The following SMAD1 variants were observed in gnomAD, a reference collection of about 807,000 sequenced individuals.
SMAD1 encodes the protein SMAD family member 1, also known as MAD, mothers against decapentaplegic homolog 1.
A neutral mutation model predicts 41.6 loss-of-function variants in SMAD1; 6 were observed. The ratio of observed to expected loss-of-function variants is 0.14; its 90% confidence interval spans 0.08 to 0.28. The LOEUF (loss-of-function observed/expected upper bound fraction) is 0.28. Ranked by LOEUF, SMAD1 falls within the 10% of genes least tolerant of loss-of-function variation. The pLI, the probability that SMAD1 is intolerant of heterozygous loss-of-function variation, is 1.00. For missense variants in SMAD1, 379 were observed against 582.6 expected (o/e 0.65, Z 3.60); for synonymous variants, 206 against 203.2 (o/e 1.01, Z -0.12).
chr4:145,543,841 C>G (rs1732090054), intron 4 of SMAD1, among the ~76,000 whole-genome samples: 1 of 152,210 alleles, frequency 6.6e-6, no homozygotes, highest in African/African-American at 2.4e-5. Flanking sequence ...CAACACATGG[C>G]ATGGGTCATG....
In SMAD1 at chr4:145,542,803, G is replaced by A. The variant is rs1732025937; in HGVS notation, c.775+105G>A. ...AGTCTTTAAAAAGAGAGCTACTTGA[G>A]AAAAATAGAGTCCAATGTTAAGAGA... On this transcript the variant is annotated intron_variant, in intron 4 of 6. Coordinates refer to ENST00000302085, the MANE Select transcript of SMAD1 (RefSeq NM_005900.3). 9.9e-6 allele frequency: 7 copies of A among 706,080 alleles called. No individual in the cohort carries two copies. The East Asian group carries it at 1.9e-4, about 19-fold the overall frequency. 43.7% of individuals were successfully genotyped at this position (706,080 alleles called of 1,614,324 possible).
chr4:145,558,640 A>G lies in SMAD1; in HGVS notation c.*706A>G, dbSNP rs1485428382. Among the ~76,000 whole-genome samples, 2 of 152,172 alleles carry G rather than the reference A, an allele frequency of 1.3e-5. No homozygotes were observed. The highest frequency in any genetic ancestry group is 2.9e-5 in the Non-Finnish European group (2 of 68,040). On this transcript the variant is annotated 3_prime_UTR_variant, in exon 7 of 7. Coordinates refer to ENST00000302085, the MANE Select transcript of SMAD1 (RefSeq NM_005900.3). Reference sequence around the variant, plus strand: ...GAAATGACAACTGCAAATGTAGACTATACTGTAAAAATTCAGTTTGTTGCT... The same window carrying G: ...GAAATGACAACTGCAAATGTAGACTGTACTGTAAAAATTCAGTTTGTTGCT...
rs141714529 is a variant in SMAD1 at position 145,550,230 on chromosome 4, A to G, written c.997+3306A>G. Among the ~76,000 whole-genome samples the G allele has an allele frequency of 9.2e-5, 14 of 152,318 alleles. No homozygotes were observed. In the East Asian group the frequency reaches 2.7e-3, roughly 29 times the overall value. On this transcript the variant is annotated intron_variant, in intron 5 of 6. Coordinates refer to ENST00000302085, the MANE Select transcript of SMAD1 (RefSeq NM_005900.3). ...TTAGTATATCAAAATCCATTGATATATTTCACCAAATTACTTTCCAAAAAG... is the reference window on the plus strand; with the variant it reads ...TTAGTATATCAAAATCCATTGATATGTTTCACCAAATTACTTTCCAAAAAG...
At chr4:145,551,666 G>T (rs1309026990) in intron 5 of SMAD1, among the ~76,000 whole-genome samples, 2 of 152,158 alleles carry the variant, frequency 1.3e-5, no homozygotes, top group African/African-American at 2.4e-5. Flanking sequence ...TAAACTACGA[G>T]AGCATATCCA....
Position 145,482,300 on chromosome 4 carries a change from G to A in SMAD1, c.-177+262G>A, listed in dbSNP as rs544230979. On this transcript the variant is annotated intron_variant, in intron 1 of 6. Transcript: ENST00000302085. This position sits in a 1 kb window ranked among gnomAD's most constrained non-coding sequence, Gnocchi z 4.2. ...TACCACGTCTTCTCGCGCCCAGCCCGCCGGGCTCCCCTGGTGTCTTTGTTG... is the reference window on the plus strand; with the variant it reads ...TACCACGTCTTCTCGCGCCCAGCCCACCGGGCTCCCCTGGTGTCTTTGTTG... Among the ~76,000 whole-genome samples the A allele has an allele frequency of 5.5e-5, 8 of 146,552 alleles. No individual in the cohort carries two copies. Among genetic ancestry groups the A allele is most frequent in the African/African-American group, 2.0e-4 (8 of 40,004 alleles).
In SMAD1 at chr4:145,539,815, G is replaced by A. The variant is rs371393906; in HGVS notation, c.412G>A (p.Val138Met). 5.6e-6 allele frequency: 9 copies of A among 1,613,210 alleles called. No homozygotes were observed. Among genetic ancestry groups the A allele is most frequent in the Non-Finnish European group, 5.9e-6 (7 of 1,179,664 alleles). ...KRVESPVLPP[V>M]LVPRHSEYNP... ...CTTCCTTTTTCTAGTACTTCCTCCT[G>A]TGCTGGTTCCAAGACACAGCGAATA... Residue 138 changes from valine (V) to methionine (M), a missense_variant, in exon 3 of 7, where the codon GTG becomes ATG. Physicochemically the swap from Val to Met is conservative, Grantham distance 21. Transcript: ENST00000302085.
chr4:145,526,971 A>G (rs975148372), intron 2 of SMAD1, among the ~76,000 whole-genome samples: 1 of 152,180 alleles, frequency 6.6e-6, no homozygotes, highest in Non-Finnish European at 1.5e-5. Flanking sequence ...AAGTTAATGC[A>G]TGTGAAAAGG....
intron 1 of SMAD1, among the ~76,000 whole-genome samples, chr4:145,499,767 A>C (rs960047501): frequency 6.6e-6 from 1 of 152,164 alleles, no homozygotes; most frequent in African/African-American, 2.4e-5. Flanking sequence ...CTGAAACACC[A>C]TCTGGTCCCA....
At chr4:145,553,185 A>C (rs998588842) in intron 5 of SMAD1, among the ~76,000 whole-genome samples, 3 of 151,272 alleles carry the variant, frequency 2.0e-5, no homozygotes, top group Non-Finnish European at 4.4e-5. Flanking sequence ...TGCTGAGATT[A>C]CAGGCGTGAA....
chr4:145,501,554 ATGTT>A (rs1729438319), intron 1 of SMAD1, among the ~76,000 whole-genome samples: 1 of 152,034 alleles, frequency 6.6e-6, no homozygotes, highest in Non-Finnish European at 1.5e-5. Context: ...ACAGATGTGC[ATGTT>A]TGTTGTCATA....
chr4:145,550,780 C>T (rs1266052624), intron 5 of SMAD1, among the ~76,000 whole-genome samples: 1 of 152,088 alleles, frequency 6.6e-6, no homozygotes, highest in Non-Finnish European at 1.5e-5. Context: ...ATATCCCCTT[C>T]CCAATAGCCA....
At chr4:145,542,848 A>G (rs1260017255) in intron 4 of SMAD1, 150 bp downstream of exon 4, 4 of 544,040 alleles carry the variant, frequency 7.4e-6, no homozygotes, top group East Asian at 6.2e-5. Flanking sequence ...CAATTGCTGG[A>G]TAACAAGTAA....
intron 1 of SMAD1, among the ~76,000 whole-genome samples, chr4:145,510,350 G>A (rs1730009741): frequency 6.6e-6 from 1 of 151,984 alleles, no homozygotes; most frequent in Non-Finnish European, 1.5e-5. Context: ...GTATTAGAGT[G>A]TTAGTTTTCA....
At chr4:145,487,785 A>G (rs1035474529) in intron 1 of SMAD1, among the ~76,000 whole-genome samples, 11 of 152,226 alleles carry the variant, frequency 7.2e-5, no homozygotes, top group Non-Finnish European at 1.6e-4. Context: ...TATGCAAAAC[A>G]GTAATGTCTG....
chr4:145,535,518 A>G (rs1217116907), intron 2 of SMAD1, among the ~76,000 whole-genome samples: 1 of 152,190 alleles, frequency 6.6e-6, no homozygotes, highest in Non-Finnish European at 1.5e-5. Context: ...ACTAATATGA[A>G]GTTTTTCTCA....
chr4:145,484,179 T>G (rs1728348828), intron 1 of SMAD1, among the ~76,000 whole-genome samples: 1 of 152,212 alleles, frequency 6.6e-6, no homozygotes, highest in Admixed American at 6.5e-5. Flanking sequence ...ACTAGCATGT[T>G]TAAGCTGCAG....
chr4:145,553,778 C>T lies in SMAD1; in HGVS notation c.998-6C>T, dbSNP rs767353977. The T allele has an allele frequency of 5.6e-6, 9 of 1,612,716 alleles. No homozygotes were observed. The highest frequency in any genetic ancestry group is 2.2e-5 in the South Asian group (2 of 91,018). ...TAACTAAATGGTATGCTTTGTCTTCCTATAGGAGTTCATCTTTATTATGTT... is the reference window on the plus strand; with the variant it reads ...TAACTAAATGGTATGCTTTGTCTTCTTATAGGAGTTCATCTTTATTATGTT... On this transcript the variant is annotated splice_polypyrimidine_tract_variant and splice_region_variant and intron_variant, in intron 5 of 6. Coordinates refer to ENST00000302085, the MANE Select transcript of SMAD1 (RefSeq NM_005900.3).
chr4:145,495,145 A>G (rs551656303), intron 1 of SMAD1, among the ~76,000 whole-genome samples: 4 of 152,272 alleles, frequency 2.6e-5, no homozygotes, highest in South Asian at 4.1e-4. Flanking sequence ...GAGGGTTGCA[A>G]ATAGCTTCTA....
intron 2 of SMAD1, among the ~76,000 whole-genome samples, chr4:145,532,842 G>C (rs1731392775): frequency 6.6e-6 from 1 of 152,226 alleles, no homozygotes; most frequent in Non-Finnish European, 1.5e-5. Flanking sequence ...AGTTGGGCCT[G>C]CAGTTTGCAA....
Sources: allele counts gnomAD v4.1 joint callset (sites outside exome capture counted in the v4.1 genomes callset), GRCh38; gene constraint gnomAD v4.1.1; non-coding constraint Gnocchi (gnomAD v3.1); transcripts MANE v1.5; gene names NCBI Gene and HGNC (gene_info 2026-07-23, HGNC 2026-07-21).